The following DAB2IP variants were observed in gnomAD, a reference collection of about 807,000 sequenced individuals.
The protein encoded by DAB2IP is disabled homolog 2-interacting protein.
A neutral mutation model predicts 107.2 loss-of-function variants in DAB2IP; 28 were observed. The ratio of observed to expected loss-of-function variants is 0.26; its 90% CI spans 0.19 to 0.36. The LOEUF is 0.36. Ranked by LOEUF, DAB2IP falls within the 10% of genes least tolerant of loss-of-function variation. The probability of loss-of-function intolerance (pLI) is 1.00; values close to 1 mark genes in which losing one functional copy is unlikely to be tolerated. For synonymous variants in DAB2IP, 755 were observed against 706.4 expected (o/e 1.07, Z -1.09); for missense variants, 1,400 against 1,644.7 (o/e 0.85, Z 2.57).
chr9:121,677,298 C>T (rs916456312), intron 1 of DAB2IP, among the ~76,000 whole-genome samples: 2 of 152,112 alleles, frequency 1.3e-5, no homozygotes, highest in African/African-American at 4.8e-5. Flanking sequence ...GTGGGAGGAT[C>T]GCTTGAGGCC....
chr9:121,715,343 C>CTT (rs1408168797), intron 3 of DAB2IP, among the ~76,000 whole-genome samples: 1 of 148,286 alleles, frequency 6.7e-6, no homozygotes, highest in Non-Finnish European at 1.5e-5. Flanking sequence ...TTTTCTTTTT[C>CTT]TTTCTTTCTT....
chr9:121,591,625 A>G (rs938777022), intron 1 of DAB2IP, among the ~76,000 whole-genome samples: 1 of 152,138 alleles, frequency 6.6e-6, no homozygotes, highest in Non-Finnish European at 1.5e-5. Flanking sequence ...TAATGAGGAG[A>G]ACTAGTAGAT....
At chr9:121,576,965 A>T (rs1830074532) in intron 1 of DAB2IP, among the ~76,000 whole-genome samples, 3 of 152,056 alleles carry the variant, frequency 2.0e-5, no homozygotes, top group South Asian at 4.2e-4. Context: ...CAACTGCCCA[A>T]CCAGGGTCCT....
At chr9:121,738,162 A>G (rs536781502) in intron 3 of DAB2IP, among the ~76,000 whole-genome samples, 1 of 152,248 alleles carries the variant, frequency 6.6e-6, no homozygotes, top group South Asian at 2.1e-4. Context: ...GGCTCAGGGA[A>G]CCAGCATTTG....
upstream of DAB2IP, among the ~76,000 whole-genome samples, chr9:121,648,953 C>T (rs896161175): frequency 1.1e-4 from 17 of 152,298 alleles, no homozygotes; most frequent in Non-Finnish European, 2.2e-4. Flanking sequence ...GAGGTGGGAG[C>T]AGATGGGGGG....
chr9:121,705,642 A>G (rs1228957782), intron 3 of DAB2IP, among the ~76,000 whole-genome samples: 1 of 152,176 alleles, frequency 6.6e-6, no homozygotes, highest in East Asian at 1.9e-4. Context: ...GTCTGGGTGC[A>G]TGGACACTGA....
chr9:121,705,197 G>T (rs189062395), intron 3 of DAB2IP, among the ~76,000 whole-genome samples: 1 of 152,340 alleles, frequency 6.6e-6, no homozygotes. Context: ...AGCAAGGCTG[G>T]GGTTTCAAAG....
At chr9:121,778,412 G>T (rs2119030577) in intron 14 of DAB2IP, among the ~76,000 whole-genome samples, 1 of 152,234 alleles carries the variant, frequency 6.6e-6, no homozygotes, top group African/African-American at 2.4e-5. Context: ...CCATACTATT[G>T]GGTCTTGCTT....
At chr9:121,765,544 T>TA (rs1422463721) in intron 8 of DAB2IP, among the ~76,000 whole-genome samples, 1 of 152,198 alleles carries the variant, frequency 6.6e-6, no homozygotes, top group African/African-American at 2.4e-5. Context: ...GTTTTAGCCT[T>TA]ACGATGGCTC....
chr9:121,678,081 T>A (rs1828362067), intron 1 of DAB2IP, among the ~76,000 whole-genome samples: 1 of 152,228 alleles, frequency 6.6e-6, no homozygotes, highest in African/African-American at 2.4e-5. Context: ...TCTGCAACCA[T>A]CACCACTATC....
rs1833792005 is a variant in DAB2IP, at chr9:121,760,219, A to G, written c.950A>G (p.Asn317Ser). 1 of 1,613,444 alleles carries G rather than the reference A, an allele frequency of 6.2e-7. No individual in the cohort carries two copies. Among genetic ancestry groups the G allele is most frequent in the Non-Finnish European group, 8.5e-7 (1 of 1,179,948 alleles). ...AAGTGGTACCCGGTGGTGACGCCCA[A>G]CCCCAAGGGCGGCAAGGGCCCTGGA... Residue 317 changes from asparagine to serine, a missense_variant, in exon 6 of 16, where the codon AAC (asparagine) becomes AGC (serine). Coordinates refer to ENST00000408936, the Ensembl canonical transcript of DAB2IP. This position sits in a 1 kb window ranked among gnomAD's most constrained non-coding sequence, Gnocchi z 5.9.
At chr9:121,660,883 C>T (rs1421744887) in intron 1 of DAB2IP, among the ~76,000 whole-genome samples, 1 of 152,156 alleles carries the variant, frequency 6.6e-6, no homozygotes, top group Non-Finnish European at 1.5e-5. Flanking sequence ...GGCCCACCCT[C>T]ATATTATGCT....
chr9:121,683,115 T>G (rs1053723571), intron 2 of DAB2IP, among the ~76,000 whole-genome samples: 14 of 152,090 alleles, frequency 9.2e-5, no homozygotes, highest in Non-Finnish European at 1.3e-4. Context: ...GGCAGCAAGC[T>G]GGGGCCCTGG....
chr9:121,595,278 G>A (rs1830505500), intron 1 of DAB2IP, among the ~76,000 whole-genome samples: 1 of 151,666 alleles, frequency 6.6e-6, no homozygotes, highest in Admixed American at 6.6e-5. Context: ...CAAACACTGT[G>A]TGTCTCCTAT....
chr9:121,756,089 G>A (rs1353880971), intron 3 of DAB2IP, among the ~76,000 whole-genome samples: 1 of 152,196 alleles, frequency 6.6e-6, no homozygotes, highest in Non-Finnish European at 1.5e-5. Context: ...GGCCCAGCCT[G>A]TCCTCACGCT....
chr9:121,734,383 C>CAA (rs552116079), intron 3 of DAB2IP, among the ~76,000 whole-genome samples: 6 of 56,870 alleles, frequency 1.1e-4, no homozygotes, highest in Non-Finnish European at 1.4e-4. Flanking sequence ...GACTCCGTCT[C>CAA]AAAAAAAAAA....
At chr9:121,784,600 T>A (rs1182800149) in exon 16 of DAB2IP, 1 of 154,884 alleles carries the variant, frequency 6.5e-6, no homozygotes, top group Non-Finnish European at 1.5e-5. Context: ...TCTGCCGATT[T>A]TGTAAATGTT....
Position 121,683,580 on chromosome 9 carries a change from CA to C in DAB2IP, c.228+4800del, listed in dbSNP as rs1828706323. On this transcript the variant is annotated intron_variant, in intron 2 of 15. Coordinates refer to ENST00000408936, the Ensembl canonical transcript of DAB2IP. ...TTGCGAGATGGAGAAGGAGAAGTGT[CA>C]GGGAGGGGAAGGCCCAGGGGTCTGG... 2.0e-5 allele frequency among the ~76,000 whole-genome samples: 3 copies of C among 152,146 alleles called. 1 individual carries two copies. The highest frequency in any genetic ancestry group is 2.0e-4 in the Admixed American group (3 of 15,286).
At chr9:121,673,450 C>G (rs1473438774) in intron 1 of DAB2IP, among the ~76,000 whole-genome samples, 3 of 152,138 alleles carry the variant, frequency 2.0e-5, no homozygotes, top group Non-Finnish European at 4.4e-5. Flanking sequence ...GGGTCCAGAA[C>G]ATGCATTCTC....
Sources: gnomAD v4.1 joint callset for allele counts (sites outside exome capture counted in the v4.1 genomes callset) on GRCh38, gnomAD v4.1.1 for gene constraint, Gnocchi (gnomAD v3.1) non-coding constraint, MANE v1.5 for transcripts, NCBI Gene and HGNC (gene_info 2026-07-23, HGNC 2026-07-21) for gene names.